DYNC1LI2: variants seen among roughly 807,000 people sequenced by gnomAD.
DYNC1LI2 encodes cytoplasmic dynein 1 light intermediate chain 2.
Under a neutral mutation model 57.8 loss-of-function variants are expected in DYNC1LI2, and 19 were observed. The observed-to-expected ratio is 0.33, with a 90% CI of 0.23 to 0.48. DYNC1LI2 has a LOEUF of 0.48. Among genes scored for constraint, DYNC1LI2 ranks in the 20% least tolerant of loss-of-function variants. DYNC1LI2 has a pLI of 0.99. For synonymous variants in DYNC1LI2, 256 were observed against 233.4 expected (o/e 1.10, Z -0.88); for missense variants, 470 against 604.2 (o/e 0.78, Z 2.33).
At chr16:66,741,353 A>T (rs1473189252) in intron 4 of DYNC1LI2, among the ~76,000 whole-genome samples, 1 of 152,208 alleles carries the variant, frequency 6.6e-6, no homozygotes, top group Non-Finnish European at 1.5e-5. Context: ...GTGGTTGAAG[A>T]CACATGAGCT....
chr16:66,749,575 C>T (rs892247736), intron 2 of DYNC1LI2, among the ~76,000 whole-genome samples: 1 of 152,134 alleles, frequency 6.6e-6, no homozygotes, highest in Non-Finnish European at 1.5e-5. Flanking sequence ...AATAATGAGG[C>T]AGGTCCACAG....
At chr16:66,735,223 C>A (rs930609868) in intron 5 of DYNC1LI2, among the ~76,000 whole-genome samples, 43 of 151,132 alleles carry the variant, frequency 2.8e-4, no homozygotes, top group African/African-American at 9.2e-4. Flanking sequence ...CTGCCTCAGC[C>A]CCCGAGTAGC....
chr16:66,733,113 C>T (rs1227680899), intron 6 of DYNC1LI2: 2 of 152,268 alleles, frequency 1.3e-5, no homozygotes, highest in African/African-American at 2.4e-5. Context: ...ATGGGAAACA[C>T]CAGTAGCCTA....
intron 3 of DYNC1LI2, among the ~76,000 whole-genome samples, chr16:66,745,605 A>G (rs1223167791): frequency 6.6e-6 from 1 of 150,700 alleles, no homozygotes; most frequent in Non-Finnish European, 1.5e-5. Flanking sequence ...ATAAATTCCA[A>G]CATATACTTT....
At position 66,723,737 on chromosome 16, in the gene DYNC1LI2, T is replaced by C. The variant is rs2017488774; in HGVS notation, c.1464A>G (p.Thr488=). ...KPDSMVTNSS[T]ENEA is the part of the protein sequence containing the mutation. The stretch of plus-strand genomic sequence containing the variant: ...TTAAGGAGGTTCAGGCTTCATTTTC[T>C]GTTGAAGAGTTTGTTACCATAGAGT... Residue 488 remains threonine, a synonymous_variant, in exon 13 of 13, where the codon ACA becomes ACG. Coordinates refer to ENST00000258198, the MANE Select transcript of DYNC1LI2 (RefSeq NM_006141.3). 2 of 1,605,576 alleles carry C rather than the reference T, an allele frequency of 1.2e-6. No individual in the cohort carries two copies. Among genetic ancestry groups the C allele is most frequent in the South Asian group, 1.1e-5 (1 of 88,592 alleles).
Position 66,722,908 on chromosome 16 carries a change from T to C in DYNC1LI2, c.*814A>G, listed in dbSNP as rs572758397. The C allele has an allele frequency of 2.6e-5, 4 of 154,514 alleles. No homozygotes were observed. The highest frequency in any genetic ancestry group is 6.3e-5 in the Admixed American group (1 of 15,846). The allele number at this position is 154,514 out of a possible 1,614,324, so 9.6% of individuals were successfully genotyped here. A position where few individuals can be genotyped will look rare whatever the true frequency, so the allele number is the denominator to read the frequency against. On this transcript the variant is annotated 3_prime_UTR_variant, in exon 13 of 13. Coordinates refer to ENST00000258198, the MANE Select transcript of DYNC1LI2 (RefSeq NM_006141.3). ...AACAAAATTCAAAGTAAACTAATTC[T>C]GTAACTGCTGACTTTGAAGACATCC...
chr16:66,742,924 T>C (rs1056317502), intron 3 of DYNC1LI2, among the ~76,000 whole-genome samples: 4 of 152,136 alleles, frequency 2.6e-5, no homozygotes, highest in Admixed American at 6.5e-5. Context: ...TTTGAGAGGC[T>C]GAGGCAGGTG....
At chr16:66,734,822 C>T (rs2017701763) in intron 5 of DYNC1LI2, among the ~76,000 whole-genome samples, 1 of 151,370 alleles carries the variant, frequency 6.6e-6, no homozygotes, top group African/African-American at 2.4e-5. Flanking sequence ...CATGGAGAAA[C>T]CCACATCTCT....
At chr16:66,748,830 C>T (rs2017987103) in intron 3 of DYNC1LI2, among the ~76,000 whole-genome samples, 1 of 152,196 alleles carries the variant, frequency 6.6e-6, no homozygotes, top group Non-Finnish European at 1.5e-5. Context: ...GGATTCTCTA[C>T]TAGAACCAGG....
chr16:66,744,618 G>T (rs1037164930), intron 3 of DYNC1LI2, among the ~76,000 whole-genome samples: 4 of 151,614 alleles, frequency 2.6e-5, no homozygotes, highest in African/African-American at 9.7e-5. Context: ...CACTGCAACT[G>T]CCGCCGCAAC....
chr16:66,728,013 A>G, intron 10 of DYNC1LI2, 188 bp downstream of exon 10: 1 of 903,348 alleles, frequency 1.1e-6, no homozygotes, highest in Non-Finnish European at 1.7e-6. Context: ...TAATTCCCAG[A>G]GTTGTATTCT....
chr16:66,738,521 A>C (rs1164108025), intron 4 of DYNC1LI2, among the ~76,000 whole-genome samples: 2 of 151,480 alleles, frequency 1.3e-5, no homozygotes, highest in Non-Finnish European at 2.9e-5. Flanking sequence ...AAGTGCTGGG[A>C]TTACAGGCGT....
At chr16:66,742,098 T>C (rs931759645) in intron 4 of DYNC1LI2, among the ~76,000 whole-genome samples, 3 of 151,990 alleles carry the variant, frequency 2.0e-5, no homozygotes, top group Middle Eastern at 3.2e-3. Flanking sequence ...AACCCTCACA[T>C]CCTCTGATGT....
chr16:66,724,781 C>G (rs1030004343), intron 12 of DYNC1LI2: 47 of 151,860 alleles, frequency 3.1e-4, no homozygotes, highest in African/African-American at 1.1e-3. Context: ...CACAGCCAAA[C>G]TGGGGGCAGT....
intron 7 of DYNC1LI2, chr16:66,732,044 T>A: frequency 3.1e-6 from 1 of 325,634 alleles, no homozygotes; most frequent in Non-Finnish European, 5.6e-6. Flanking sequence ...CAAGCACAAT[T>A]CCCTATATTC....
In DYNC1LI2 at chr16:66,720,920, T is replaced by C. The variant is rs1440110550; in HGVS notation, c.*2802A>G. 6.6e-6 allele frequency: 1 copy of C among 152,640 alleles called. No individual in the cohort carries two copies. The highest frequency in any genetic ancestry group is 1.5e-5 in the Non-Finnish European group (1 of 68,044). 9.5% of individuals were successfully genotyped at this position (152,640 alleles called of 1,614,324 possible). A position where few individuals can be genotyped will look rare whatever the true frequency, so the allele number is the denominator to read the frequency against. On this transcript the variant is annotated 3_prime_UTR_variant, in exon 13 of 13. Transcript: ENST00000258198. Reference sequence around the variant, plus strand: ...GTAAGCAGTCTGGATTCGTGTTTATTGAAGCCAGTAATTAGAGACATCTTT... The same window carrying C: ...GTAAGCAGTCTGGATTCGTGTTTATCGAAGCCAGTAATTAGAGACATCTTT...
chr16:66,723,621 C>A lies in DYNC1LI2; in HGVS notation c.*101G>T. 1.9e-6 allele frequency: 2 copies of A among 1,062,164 alleles called. No individual in the cohort carries two copies. Among genetic ancestry groups the A allele is most frequent in the South Asian group, 1.5e-5 (1 of 65,216 alleles). The allele number at this position is 1,062,164 out of a possible 1,614,324, so 65.8% of individuals were successfully genotyped here. A position where few individuals can be genotyped will look rare whatever the true frequency, so the allele number is the denominator to read the frequency against. ...TTTTTAAAGTTCATCTCCCCTGCCC[C>A]AAAAAACTGATAGCATGTGCCATAT... On this transcript the variant is annotated 3_prime_UTR_variant, in exon 13 of 13. Transcript: ENST00000258198.
chr16:66,744,617 T>C (rs941133813), intron 3 of DYNC1LI2, among the ~76,000 whole-genome samples: 1 of 151,768 alleles, frequency 6.6e-6, no homozygotes, highest in Non-Finnish European at 1.5e-5. Flanking sequence ...TCACTGCAAC[T>C]GCCGCCGCAA....
At chr16:66,728,486 A>G (rs542037740) in intron 9 of DYNC1LI2, among the ~76,000 whole-genome samples, 1 of 152,302 alleles carries the variant, frequency 6.6e-6, no homozygotes, top group East Asian at 1.9e-4. Flanking sequence ...AAAAAGATGG[A>G]AAAAGAAGGA....
Sources: allele counts gnomAD v4.1 joint callset (sites outside exome capture counted in the v4.1 genomes callset), GRCh38; gene constraint gnomAD v4.1.1; transcripts MANE v1.5; gene names NCBI Gene and HGNC (gene_info 2026-07-23, HGNC 2026-07-21).